The following ZNF99 variants were observed in gnomAD, a reference collection of about 807,000 sequenced individuals.
ZNF99 encodes zinc finger protein ENSP00000375192.
Under a neutral mutation model 12.8 loss-of-function variants are expected in ZNF99, and 8 were observed. That is an observed-to-expected ratio of 0.62 (90% CI 0.37 to 1.13). ZNF99 has a LOEUF of 1.13. Among genes scored for constraint, ZNF99 ranks in the 50% most tolerant of loss-of-function variants. ZNF99 has a pLI of 0.02. For synonymous variants in ZNF99, 318 were observed against 319.0 expected (o/e 1.00, Z 0.03); for missense variants, 1,007 against 1,006.2 (o/e 1.00, Z -0.01).
At chr19:22,767,942 G>T (rs1393264507) in intron 3 of ZNF99, among the ~76,000 whole-genome samples, 3 of 152,128 alleles carry the variant, frequency 2.0e-5, no homozygotes, top group Non-Finnish European at 4.4e-5. Flanking sequence ...AAGAGATAGA[G>T]CAAGTGTGAG....
rs372555100 is a variant in ZNF99, at chr19:22,758,035, T to C, written c.1874A>G (p.Glu625Gly). ...GGACTGGCTAAAAGCTTTGCCACATTCTTCACATTTGTAGGGTTTCTTTCC... is the reference window on the plus strand; with the variant it reads ...GGACTGGCTAAAAGCTTTGCCACATCCTTCACATTTGTAGGGTTTCTTTCC... ...HTGKKPYKCE[E>G]CGKAFSQSST... Residue 625 changes from glutamate (E) to glycine (G), a missense_variant, in exon 4 of 4, where the codon GAA becomes GGA. Glu to Gly is a moderately conservative substitution (Grantham distance 98, BLOSUM62 -2). Coordinates refer to ENST00000596209, the MANE Select transcript of ZNF99 (RefSeq NM_001080409.3). 8.7e-6 allele frequency: 14 copies of C among 1,610,226 alleles called. No homozygotes were observed. Among genetic ancestry groups the C allele is most frequent in the Non-Finnish European group, 1.1e-5 (13 of 1,177,396 alleles).
At chr19:22,766,002 A>G (rs1973199187) in intron 3 of ZNF99, among the ~76,000 whole-genome samples, 1 of 152,128 alleles carries the variant, frequency 6.6e-6, no homozygotes. Flanking sequence ...ATATAAAAAC[A>G]AAATATAAAT....
chr19:22,776,451 A>C (rs1156907126), intron 1 of ZNF99, among the ~76,000 whole-genome samples: 1 of 83,708 alleles, frequency 1.2e-5, no homozygotes, highest in Non-Finnish European at 2.8e-5. Flanking sequence ...ATATATATAT[A>C]TATATATATA....
rs1219899405 is a variant in ZNF99 at position 22,758,417 on chromosome 19, C to A, written c.1492G>T (p.Val498Leu). 11 of 1,601,818 alleles carry A rather than the reference C, an allele frequency of 6.9e-6. No individual in the cohort carries two copies. The highest frequency in any genetic ancestry group is 2.3e-5 in the East Asian group (1 of 44,210). ...TCTTCCATATGAATTACCTTATGTA[C>A]AGTAAGTTTTGAGGACCACTTAAAA... Reference protein sequence around the residue: ...KAFKWSSKLTVHKVIHMEEKP... With the variant: ...KAFKWSSKLTLHKVIHMEEKP... Residue 498 changes from valine (V) to leucine (L), a missense_variant, in exon 4 of 4, where the codon GTA becomes TTA. Coordinates refer to ENST00000596209, the MANE Select transcript of ZNF99 (RefSeq NM_001080409.3).
Position 22,759,097 on chromosome 19 carries a change from G to C in ZNF99, c.812C>G (p.Thr271Ser), listed in dbSNP as rs1973118923. ...ECGKVFNNSS[T>S]LMKHKIIHTG... ...ATGAATTATCTTATGTTTCATAAGGGTTGAGGAATTGTTAAAAACTTTGCC... is the reference window on the plus strand; with the variant it reads ...ATGAATTATCTTATGTTTCATAAGGCTTGAGGAATTGTTAAAAACTTTGCC... Residue 271 changes from threonine (T) to serine (S), a missense_variant, in exon 4 of 4, where the codon ACC becomes AGC. Transcript: ENST00000596209. The C allele has an allele frequency of 3.7e-6, 6 of 1,613,156 alleles. No individual in the cohort carries two copies. The highest frequency in any genetic ancestry group is 5.1e-6 in the Non-Finnish European group (6 of 1,179,632).
chr19:22,780,585 G>T (rs754081282), intron 1 of ZNF99, among the ~76,000 whole-genome samples: 2 of 152,006 alleles, frequency 1.3e-5, no homozygotes, highest in Non-Finnish European at 2.9e-5. Flanking sequence ...CAGCTACTCG[G>T]GAGGCTGAGG....
rs1599436881 is a variant in ZNF99, at chr19:22,753,515, C to T, written c.*3799G>A. 1.3e-5 allele frequency: 2 copies of T among 151,896 alleles called. No individual in the cohort carries two copies. Among genetic ancestry groups the T allele is most frequent in the Middle Eastern group, 6.8e-3 (2 of 292 alleles). 9.4% of individuals were successfully genotyped at this position (151,896 alleles called of 1,614,324 possible). On this transcript the variant is annotated 3_prime_UTR_variant, in exon 4 of 4. Coordinates refer to ENST00000596209, the MANE Select transcript of ZNF99 (RefSeq NM_001080409.3). Reference sequence around the variant, plus strand: ...AGGTTTTTTTCTCTATTATACATTCCCTGATATTGAACAAAGTTTGAGCAA... The same window carrying T: ...AGGTTTTTTTCTCTATTATACATTCTCTGATATTGAACAAAGTTTGAGCAA...
At position 22,752,778 on chromosome 19, in the gene ZNF99, C is replaced by T. The variant is rs1283571252; in HGVS notation, c.*4536G>A. 6.6e-6 allele frequency: 1 copy of T among 151,766 alleles called. No individual in the cohort carries two copies. The highest frequency in any genetic ancestry group is 1.9e-4 in the East Asian group (1 of 5,196). The allele number at this position is 151,766 out of a possible 1,614,324, so 9.4% of individuals were successfully genotyped here. ...AAAAATTTATGAATGTACTACATTA[C>T]ATAAAAGCACAACTAATATAATACA... On this transcript the variant is annotated 3_prime_UTR_variant, in exon 4 of 4. Transcript: ENST00000596209.
chr19:22,758,157 T>G lies in ZNF99; in HGVS notation c.1752A>C (p.Lys584Asn). ...AGGGTTTCTCCCCAGTATGAATTGC[T>G]TTATGTCTAGTAAGATGTGAAGATT... ...FKQSSHLTRH[K>N]AIHTGEKPYK... is the part of the protein sequence containing the mutation. The change falls in exon 4 of 4, where the codon AAA becomes AAC. Residue 584 changes from lysine (K) to asparagine (N), a missense_variant. Transcript: ENST00000596209. The G allele has an allele frequency of 6.2e-7, 1 of 1,609,718 alleles. No individual in the cohort carries two copies. The highest frequency in any genetic ancestry group is 8.5e-7 in the Non-Finnish European group (1 of 1,178,442).
At chr19:22,767,415 A>T (rs901592504) in intron 3 of ZNF99, among the ~76,000 whole-genome samples, 12 of 152,294 alleles carry the variant, frequency 7.9e-5, no homozygotes, top group South Asian at 4.1e-4. Context: ...AACAGAATTT[A>T]AAAAAATCTA....
At chr19:22,767,107 C>CAAA (rs35316902) in intron 3 of ZNF99, among the ~76,000 whole-genome samples, 1 of 81,736 alleles carries the variant, frequency 1.2e-5, no homozygotes, top group Non-Finnish European at 2.8e-5. Context: ...CTGTCTCTAC[C>CAAA]AAAAAAAAAA....
Position 22,760,691 on chromosome 19 carries a change from C to A in ZNF99, c.227-1009G>T, listed in dbSNP as rs1235611031. Among the ~76,000 whole-genome samples the A allele has an allele frequency of 7.9e-5, 12 of 151,986 alleles. No individual in the cohort carries two copies. In the East Asian group the frequency reaches 2.1e-3, roughly 27 times the overall value. ...CCCGGGAGGCAGAGCTTGCAGTGAG[C>A]CGAGATCATGCCACTGCACTCCAGC... On this transcript the variant is annotated intron_variant, in intron 3 of 3. Coordinates refer to ENST00000596209, the MANE Select transcript of ZNF99 (RefSeq NM_001080409.3).
Position 22,758,469 on chromosome 19 carries a change from G to T in ZNF99, c.1440C>A (p.Pro480=), listed in dbSNP as rs750821495. The T allele has an allele frequency of 1.9e-6, 3 of 1,612,472 alleles. No individual in the cohort carries two copies. The highest frequency in any genetic ancestry group is 2.5e-6 in the Non-Finnish European group (3 of 1,179,558). ...CTTTACCACATTCTTCACATTTGTA[G>T]GGTTTCTCTCCAGTATGAATTATCT... is the stretch of plus-strand genomic sequence containing the variant. ...KHEIIHTGEK[P]YKCEECGKAF... Residue 480 remains proline (P), a synonymous_variant, in exon 4 of 4, where the codon CCC becomes CCA. Transcript: ENST00000596209.
intron 3 of ZNF99, among the ~76,000 whole-genome samples, chr19:22,766,745 G>T (rs926717502): frequency 1.3e-5 from 2 of 150,848 alleles, no homozygotes; most frequent in Non-Finnish European, 2.9e-5. Context: ...TCCGCCTCCC[G>T]GGTTCAAGCA....
chr19:22,778,905 G>T (rs2145160309), intron 1 of ZNF99, among the ~76,000 whole-genome samples: 1 of 152,174 alleles, frequency 6.6e-6, no homozygotes, highest in East Asian at 1.9e-4. Context: ...TACTCAGGAG[G>T]CTGAGGCAGG....
At chr19:22,783,611 G>T (rs561713153) in intron 1 of ZNF99, among the ~76,000 whole-genome samples, 78 of 152,218 alleles carry the variant, frequency 5.1e-4, no homozygotes, top group African/African-American at 1.8e-3. Flanking sequence ...AGTGATGACT[G>T]CCATCAATTT....
At chr19:22,769,805 T>C (rs1412187414) in intron 1 of ZNF99, 3 of 1,174,974 alleles carry the variant, frequency 2.6e-6, no homozygotes, top group Admixed American at 3.6e-5. Flanking sequence ...TATTCTCTAA[T>C]GTATTCTCAA....
chr19:22,768,621 A>G (rs753094385), intron 2 of ZNF99, among the ~76,000 whole-genome samples: 1 of 152,172 alleles, frequency 6.6e-6, no homozygotes, highest in Non-Finnish European at 1.5e-5. Context: ...TGAGATTTCA[A>G]GGTGTGGCAA....
rs754204188 is a variant in ZNF99 at position 22,756,105 on chromosome 19, CA to C, written c.*1208del. 2.1e-5 allele frequency: 31 copies of C among 1,461,702 alleles called. No homozygotes were observed. Among genetic ancestry groups the C allele is most frequent in the African/African-American group, 4.2e-5 (3 of 71,862 alleles). The allele number at this position is 1,461,702 out of a possible 1,614,324, so 90.5% of individuals were successfully genotyped here. On this transcript the variant is annotated 3_prime_UTR_variant, in exon 4 of 4. Transcript: ENST00000596209. ...CTTGAGGACTGGTTAAAAGCTTTGC[CA>C]CATTCTTCACATATGGAGGGTCTGT... is the stretch of plus-strand genomic sequence containing the variant.
Sources: gnomAD v4.1 joint callset for allele counts (sites outside exome capture counted in the v4.1 genomes callset) on GRCh38, gnomAD v4.1.1 for gene constraint, MANE v1.5 for transcripts, NCBI Gene and HGNC (gene_info 2026-07-23, HGNC 2026-07-21) for gene names.